CELF4: variants seen among roughly 807,000 people sequenced by gnomAD.
CELF4 encodes the protein CUG-BP- and ETR-3-like factor 4.
CELF4 carries 18 observed loss-of-function variants against 59.9 expected under a neutral mutation model. That is an observed-to-expected ratio of 0.30 (90% confidence interval 0.21 to 0.45). The LOEUF is 0.45. CELF4 is among the 20% of genes least tolerant of loss of function. The pLI, the probability that CELF4 is intolerant of heterozygous loss-of-function variation, is 1.00. For missense variants in CELF4, 456 were observed against 689.0 expected (o/e 0.66, Z 3.79); for synonymous variants, 261 against 267.1 (o/e 0.98, Z 0.22).
Position 37,244,474 on chromosome 18 carries a change from G to C in CELF4, c.*768C>G, listed in dbSNP as rs2061355895. On this transcript the variant is annotated 3_prime_UTR_variant, in exon 13 of 13. Transcript: ENST00000420428. ...AACCATAGGAAAGTGTCATAGACTT[G>C]GATGAGGGTCATCAAAGCGCCTCTC... is the stretch of plus-strand genomic sequence containing the variant. 1 of 152,346 alleles carries C rather than the reference G, an allele frequency of 6.6e-6. No homozygotes were observed. Among genetic ancestry groups the C allele is most frequent in the South Asian group, 2.1e-4 (1 of 4,812 alleles). 9.4% of individuals were successfully genotyped at this position (152,346 alleles called of 1,614,324 possible).
At chr18:37,524,861 G>A (rs1463154583) in intron 1 of CELF4, among the ~76,000 whole-genome samples, 1 of 152,124 alleles carries the variant, frequency 6.6e-6, no homozygotes, top group Non-Finnish European at 1.5e-5. Flanking sequence ...CAGGAGAATG[G>A]GGCGCAGCCG....
chr18:37,460,399 A>G (rs1429888008), intron 2 of CELF4, among the ~76,000 whole-genome samples: 2 of 152,172 alleles, frequency 1.3e-5, no homozygotes, highest in Non-Finnish European at 2.9e-5. Context: ...GCAGCTGAGG[A>G]CATCGTGCAG....
intron 3 of CELF4, chr18:37,306,275 C>T (rs1359239082): frequency 6.6e-6 from 1 of 152,292 alleles, no homozygotes; most frequent in African/African-American, 2.4e-5. Context: ...GCCAGATCTG[C>T]CTTCCGGCAA....
chr18:37,284,543 C>T (rs1045915218), intron 3 of CELF4, among the ~76,000 whole-genome samples: 1 of 152,152 alleles, frequency 6.6e-6, no homozygotes, highest in African/African-American at 2.4e-5. Flanking sequence ...CACAACGTCA[C>T]CCAGGCCCTA....
chr18:37,287,151 T>G (rs1168877614), intron 3 of CELF4, among the ~76,000 whole-genome samples: 1 of 151,596 alleles, frequency 6.6e-6, no homozygotes, highest in African/African-American at 2.4e-5. Flanking sequence ...TTTGAGGGAT[T>G]GGTTGGGAGC....
intron 3 of CELF4, among the ~76,000 whole-genome samples, chr18:37,290,334 TC>T (rs1462459005): frequency 7.9e-5 from 12 of 152,196 alleles, no homozygotes; most frequent in African/African-American, 2.2e-4. Flanking sequence ...TTCAAATGCA[TC>T]TAGATGATGT....
intron 3 of CELF4, among the ~76,000 whole-genome samples, chr18:37,293,958 C>A (rs780627699): frequency 6.6e-6 from 1 of 152,106 alleles, no homozygotes; most frequent in Non-Finnish European, 1.5e-5. Context: ...ACTAGCAAAC[C>A]AAATAGCCAA....
intron 2 of CELF4, among the ~76,000 whole-genome samples, chr18:37,342,233 GCACACACACACA>G (rs56845978): frequency 6.8e-5 from 10 of 146,048 alleles, no homozygotes; most frequent in Non-Finnish European, 9.0e-5. Flanking sequence ...AACAGCACAT[GCACACACACACA>G]CACACACACA....
chr18:37,273,213 C>T (rs969943904), intron 6 of CELF4, 50 bp from the exon 7 acceptor site: 16 of 1,577,590 alleles, frequency 1.0e-5, no homozygotes, highest in Non-Finnish European at 1.4e-5. Context: ...GGGGGCATCC[C>T]TCCCCGACAG....
At chr18:37,445,638 G>C (rs780464488) in intron 2 of CELF4, among the ~76,000 whole-genome samples, 3 of 152,122 alleles carry the variant, frequency 2.0e-5, no homozygotes, top group Admixed American at 2.0e-4. Context: ...TGGGGTGGCA[G>C]ATGCAGGGAG....
At position 37,465,975 on chromosome 18, in the gene CELF4, A is replaced by G. The variant is rs181934690; in HGVS notation, c.369+19550T>C. Among the ~76,000 whole-genome samples the G allele has an allele frequency of 3.4e-3, 515 of 152,270 alleles. 1 individual carries two copies. Among genetic ancestry groups the G allele is most frequent in the African/African-American group, 0.012 (491 of 41,564 alleles). On this transcript the variant is annotated intron_variant, in intron 2 of 12. Coordinates refer to ENST00000420428, the MANE Select transcript of CELF4 (RefSeq NM_020180.4). ...CTTTGTTTGATAGCACCAGGGAGCCATGGAGGGTCCTGGAGTGCTGGCAGA... is the reference window on the plus strand; with the variant it reads ...CTTTGTTTGATAGCACCAGGGAGCCGTGGAGGGTCCTGGAGTGCTGGCAGA...
chr18:37,300,040 C>A (rs145646607), intron 3 of CELF4, among the ~76,000 whole-genome samples: 99 of 152,298 alleles, frequency 6.5e-4, no homozygotes, highest in African/African-American at 2.2e-3. Flanking sequence ...TGAGGCAGAC[C>A]TGAAACTGCC....
At chr18:37,320,173 T>A (rs1186505416) in intron 3 of CELF4, among the ~76,000 whole-genome samples, 26 of 152,002 alleles carry the variant, frequency 1.7e-4, no homozygotes, top group Admixed American at 1.7e-3. Context: ...CCATCTCTAC[T>A]AAAAATACAA....
At position 37,548,738 on chromosome 18, in the gene CELF4, C is replaced by T. The variant is rs564497176; in HGVS notation, c.286+16618G>A. Among the ~76,000 whole-genome samples the T allele has an allele frequency of 1.4e-4, 22 of 152,308 alleles. No homozygotes were observed. In the South Asian group the frequency reaches 4.6e-3, roughly 32 times the overall value. On this transcript the variant is annotated intron_variant, in intron 1 of 12. Transcript: ENST00000420428. ...AGGTGTTGCTGCAGTGATGTGAGAG[C>T]AGAAGGCCCAGGCTCTGAGCAAGGA...
intron 3 of CELF4, among the ~76,000 whole-genome samples, chr18:37,316,194 G>A (rs1399805475): frequency 6.6e-6 from 1 of 152,156 alleles, no homozygotes; most frequent in Non-Finnish European, 1.5e-5. Context: ...CATGCCCTAG[G>A]GAGGTATCAT....
At chr18:37,342,074 AAC>A (rs1479852624) in intron 2 of CELF4, among the ~76,000 whole-genome samples, 5 of 151,918 alleles carry the variant, frequency 3.3e-5, no homozygotes, top group Admixed American at 2.0e-4. Flanking sequence ...AGGACAGGAG[AAC>A]AGTGGAGCTC....
At chr18:37,353,763 CTTTCT>C (rs1381845951) in intron 2 of CELF4, among the ~76,000 whole-genome samples, 2 of 119,560 alleles carry the variant, frequency 1.7e-5, no homozygotes, top group Non-Finnish European at 3.4e-5. Flanking sequence ...GGGGGCAGTT[CTTTCT>C]TTTTTTTTTT....
chr18:37,321,573 G>C (rs1020059194), intron 3 of CELF4, among the ~76,000 whole-genome samples: 2 of 152,202 alleles, frequency 1.3e-5, no homozygotes, highest in African/African-American at 4.8e-5. Flanking sequence ...TGTTTACTCA[G>C]AGACGCATAA....
chr18:37,265,617 T>C (rs571366587), intron 9 of CELF4, among the ~76,000 whole-genome samples: 1 of 152,148 alleles, frequency 6.6e-6, no homozygotes. Flanking sequence ...ATTGTCCAAC[T>C]GGAAAGGGCC....
Sources: gnomAD v4.1 joint callset for allele counts (sites outside exome capture counted in the v4.1 genomes callset) on GRCh38, gnomAD v4.1.1 for gene constraint, MANE v1.5 for transcripts, NCBI Gene and HGNC (gene_info 2026-07-23, HGNC 2026-07-21) for gene names.